MACROD2: variants seen among roughly 807,000 people sequenced by gnomAD.
MACROD2 encodes ADP-ribose glycohydrolase MACROD2.
MACROD2 carries 36 observed loss-of-function variants against 70.4 expected under a neutral mutation model. The observed-to-expected ratio is 0.51, with a 90% CI of 0.39 to 0.68. The LOEUF (loss-of-function observed/expected upper bound fraction) is 0.68, where lower values mean the gene tolerates loss of function less well. MACROD2 is among the 30% of genes least tolerant of loss of function. MACROD2 has a pLI of 0.00. For missense variants in MACROD2, 496 were observed against 538.4 expected, an observed-to-expected ratio of 0.92 and a Z score of 0.78; for synonymous variants, 172 against 178.8, an observed-to-expected ratio of 0.96 and a Z score of 0.30.
At chr20:15,213,081 C>T (rs1470948017) in intron 5 of MACROD2, among the ~76,000 whole-genome samples, 4 of 152,158 alleles carry the variant, frequency 2.6e-5, no homozygotes, top group Non-Finnish European at 5.9e-5. Context: ...GAACACACAA[C>T]AACAAGGGTA....
intron 8 of MACROD2, among the ~76,000 whole-genome samples, chr20:15,522,285 G>A (rs1439933651): frequency 6.6e-6 from 1 of 152,048 alleles, no homozygotes; most frequent in Admixed American, 6.6e-5. Context: ...ATCATATGGA[G>A]GCTCAAAATA....
In MACROD2 at chr20:14,145,145, A is replaced by G. The variant is rs915331216; in HGVS notation, c.271+59417A>G. 2.0e-5 allele frequency among the ~76,000 whole-genome samples: 3 copies of G among 152,214 alleles called. No individual in the cohort carries two copies. In the South Asian group the frequency reaches 6.2e-4, roughly 31 times the overall value. The stretch of plus-strand genomic sequence containing the variant: ...AATTACTATATACCTCTACAAAAAA[A>G]GCACTGTATGTGTCCCTCTGCGCTA... On this transcript the variant is annotated intron_variant, in intron 3 of 17. Coordinates refer to ENST00000684519, the MANE Select transcript of MACROD2 (RefSeq NM_001351661.2).
intron 2 of MACROD2, among the ~76,000 whole-genome samples, chr20:14,019,332 C>T (rs1460019238): frequency 2.6e-5 from 4 of 152,064 alleles, no homozygotes; most frequent in South Asian, 2.1e-4. Flanking sequence ...AGTGCCGTGG[C>T]GCAATCTTGG....
chr20:14,667,537 C>T (rs562771035), intron 4 of MACROD2, among the ~76,000 whole-genome samples: 29 of 152,168 alleles, frequency 1.9e-4, no homozygotes, highest in Non-Finnish European at 1.0e-4. Context: ...TCTTCAAAAC[C>T]GTTTGAGGTG....
chr20:15,140,872 T>G lies in MACROD2; in HGVS notation c.419-89068T>G, dbSNP rs186388120. Among the ~76,000 whole-genome samples the G allele has an allele frequency of 3.9e-5, 6 of 152,296 alleles. No individual in the cohort carries two copies. In the East Asian group the frequency reaches 1.2e-3, roughly 29 times the overall value. The stretch of plus-strand genomic sequence containing the variant: ...ATCATAAGTCAGTTGTGAAAGACCA[T>G]AATGACAGTAACTGCCTACGTGGAT... On this transcript the variant is annotated intron_variant, in intron 5 of 17. Coordinates refer to ENST00000684519, the MANE Select transcript of MACROD2 (RefSeq NM_001351661.2).
At chr20:15,698,636 G>T (rs2050411160) in intron 8 of MACROD2, among the ~76,000 whole-genome samples, 1 of 152,170 alleles carries the variant, frequency 6.6e-6, no homozygotes, top group Non-Finnish European at 1.5e-5. Context: ...CAAGGCCAGA[G>T]AAGTTTTCTT....
intron 3 of MACROD2, among the ~76,000 whole-genome samples, chr20:14,143,948 G>A (rs564736785): frequency 2.6e-4 from 39 of 152,162 alleles, no homozygotes; most frequent in African/African-American, 9.1e-4. Flanking sequence ...AAATAATTAA[G>A]GTAATCAAGC....
At chr20:15,316,083 G>A in intron 6 of MACROD2, among the ~76,000 whole-genome samples, 2 of 135,750 alleles carry the variant, frequency 1.5e-5, no homozygotes, top group Non-Finnish European at 1.6e-5. Context: ...AAATAAGGAA[G>A]AAGTAATAAT....
At chr20:15,553,777 A>T (rs2048129233) in intron 8 of MACROD2, among the ~76,000 whole-genome samples, 1 of 152,216 alleles carries the variant, frequency 6.6e-6, no homozygotes, top group African/African-American at 2.4e-5. Context: ...AGCATATTCA[A>T]GAATGAGTTT....
intron 3 of MACROD2, among the ~76,000 whole-genome samples, chr20:14,223,836 C>T (rs2081706143): frequency 6.6e-6 from 1 of 152,056 alleles, no homozygotes; most frequent in Admixed American, 6.5e-5. Context: ...AGTTAGGGTT[C>T]TCCAGAGAAA....
At chr20:14,495,575 T>C (rs2084844499) in intron 4 of MACROD2, among the ~76,000 whole-genome samples, 1 of 152,162 alleles carries the variant, frequency 6.6e-6, no homozygotes, top group Non-Finnish European at 1.5e-5. Context: ...AGGAAAACAG[T>C]GTAATGTACC....
intron 5 of MACROD2, among the ~76,000 whole-genome samples, chr20:15,073,515 C>A (rs2075635117): frequency 6.8e-6 from 1 of 146,806 alleles, no homozygotes; most frequent in Admixed American, 6.9e-5. Flanking sequence ...ACACACGTAC[C>A]ACATTTCTTT....
intron 3 of MACROD2, among the ~76,000 whole-genome samples, chr20:14,429,719 T>C (rs1334897435): frequency 6.6e-6 from 1 of 152,172 alleles, no homozygotes; most frequent in Non-Finnish European, 1.5e-5. Context: ...CTTGCTTGGC[T>C]ATGCTGCAGT....
chr20:14,761,959 C>T (rs1030862275), intron 5 of MACROD2, among the ~76,000 whole-genome samples: 6 of 152,138 alleles, frequency 3.9e-5, no homozygotes, highest in African/African-American at 1.4e-4. Flanking sequence ...ACCATGTTCT[C>T]CCAATTCTTT....
chr20:14,773,311 A>G (rs1259241272), intron 5 of MACROD2, among the ~76,000 whole-genome samples: 1 of 152,070 alleles, frequency 6.6e-6, no homozygotes, highest in African/African-American at 2.4e-5. Flanking sequence ...TAGTGGTAAG[A>G]AGCAACAAAC....
At chr20:14,882,183 AT>A (rs1427343189) in intron 5 of MACROD2, among the ~76,000 whole-genome samples, 2 of 152,174 alleles carry the variant, frequency 1.3e-5, no homozygotes, top group Non-Finnish European at 2.9e-5. Flanking sequence ...CTCACTTGTG[AT>A]GGACTTTCCA....
intron 8 of MACROD2, among the ~76,000 whole-genome samples, chr20:15,582,361 C>T (rs771031591): frequency 2.6e-5 from 4 of 152,060 alleles, no homozygotes; most frequent in Non-Finnish European, 5.9e-5. Flanking sequence ...TGACTGTATT[C>T]AGCTAGACCC....
intron 3 of MACROD2, among the ~76,000 whole-genome samples, chr20:14,334,243 A>C (rs550702964): frequency 6.6e-6 from 1 of 152,296 alleles, no homozygotes; most frequent in African/African-American, 2.4e-5. Context: ...ACTGTCTTTT[A>C]GTGTGATGTT....
chr20:15,804,516 G>C (rs1006623682), intron 8 of MACROD2, among the ~76,000 whole-genome samples: 3 of 152,152 alleles, frequency 2.0e-5, no homozygotes, highest in African/African-American at 7.2e-5. Flanking sequence ...GAAATGTGAA[G>C]TGCTTTCAAA....
Sources: gnomAD v4.1 joint callset for allele counts (sites outside exome capture counted in the v4.1 genomes callset) on GRCh38, gnomAD v4.1.1 for gene constraint, MANE v1.5 for transcripts, NCBI Gene and HGNC (gene_info 2026-07-23, HGNC 2026-07-21) for gene names.